Variants in CHD4 observed in about 807,000 individuals in gnomAD.
CHD4 encodes the protein chromodomain helicase DNA binding protein 4.
In CHD4, 35 loss-of-function variants were observed where a neutral mutation model predicts 235.5. The ratio of observed to expected loss-of-function variants is 0.15; its 90% CI spans 0.11 to 0.20. CHD4 has a LOEUF of 0.20. Among genes scored for constraint, CHD4 ranks in the 10% least tolerant of loss-of-function variants. The probability of loss-of-function intolerance (pLI) is 1.00; values close to 1 mark genes in which losing one functional copy is unlikely to be tolerated. For synonymous variants in CHD4, 900 were observed against 850.2 expected, an observed-to-expected ratio of 1.06 and a Z score of -1.02; for missense variants, 1,329 against 2,432.3, an observed-to-expected ratio of 0.55 and a Z score of 9.54.
Position 6,597,773 on chromosome 12 carries a change from AAAAC to A in CHD4, c.1892+117_1892+120del, listed in dbSNP as rs1243201371. ...GAGTGAGACTCTGTCTCAAAAACAA[AAAAC>A]AAACAAAAAAAACCAGTGTCTTCCA... is the stretch of plus-strand genomic sequence containing the variant. On this transcript the variant is annotated intron_variant, in intron 12 of 39. Transcript: ENST00000544040. The A allele has an allele frequency of 1.5e-5, 14 of 941,138 alleles. No individual in the cohort carries two copies. In the Admixed American group the frequency reaches 2.0e-4, roughly 13 times the overall value. The allele number at this position is 941,138 out of a possible 1,614,324, so 58.3% of individuals were successfully genotyped here. A position where few individuals can be genotyped will look rare whatever the true frequency, so the allele number is the denominator to read the frequency against.
Position 6,593,163 on chromosome 12 carries a change from A to G in CHD4, c.2580T>C (p.Ala860=). The G allele has an allele frequency of 2.5e-6, 4 of 1,614,184 alleles. No homozygotes were observed. Among genetic ancestry groups the G allele is most frequent in the Non-Finnish European group, 3.4e-6 (4 of 1,180,032 alleles). The change falls in exon 17 of 40, where the codon GCT becomes GCC. Residue 860 remains alanine (A), a synonymous_variant. Transcript: ENST00000544040. The surrounding 1 kb of genome is among the most constrained non-coding windows in gnomAD (Gnocchi z 4.9). ...AGGCCCAATCAATAGAGCCCAAAAT[A>G]GCCATGTCAATGGTGATCAATTCAT... The part of the protein sequence containing the change: ...TSYELITIDM[A]ILGSIDWACL...
intron 7 of CHD4, 86 bp from the exon 8 acceptor site, chr12:6,600,755 G>A (rs1948575785): frequency 1.3e-6 from 2 of 1,552,002 alleles, no homozygotes; most frequent in Middle Eastern, 1.7e-4. Context: ...TCTCACTGGG[G>A]ACACCAGAAT....
chr12:6,573,587 A>T (rs763025549), intron 37 of CHD4, among the ~76,000 whole-genome samples: 1 of 152,168 alleles, frequency 6.6e-6, no homozygotes, highest in East Asian at 1.9e-4. Context: ...ATACATCCTG[A>T]TATTTTTCTT....
rs916900489 is a variant in CHD4 at position 6,603,985 on chromosome 12, G to C, written c.101-1488C>G. The stretch of plus-strand genomic sequence containing the variant: ...GAGCAGGACCTAGACAGTGGTAGAA[G>C]AGAATATCCCAATCGGGTGCAATGG... On this transcript the variant is annotated intron_variant, in intron 2 of 39. Transcript: ENST00000544040. Among the ~76,000 whole-genome samples the C allele has an allele frequency of 2.4e-4, 37 of 152,206 alleles. 1 individual carries two copies. The highest frequency in any genetic ancestry group is 2.0e-3 in the Admixed American group (30 of 15,282).
Position 6,578,115 on chromosome 12 carries a change from A to T in CHD4, c.5142T>A (p.Asn1714Lys). The T allele has an allele frequency of 6.2e-7, 1 of 1,612,918 alleles. No homozygotes were observed. The highest frequency in any genetic ancestry group is 8.5e-7 in the Non-Finnish European group (1 of 1,180,016). Residue 1714 changes from asparagine to lysine, a missense_variant, in exon 36 of 40, where the codon AAT becomes AAA. This residue lies in a region of CHD4 where 135 missense variants were observed against 282.3 expected (regional missense o/e 0.48). Coordinates refer to ENST00000544040, the MANE Select transcript of CHD4 (RefSeq NM_001273.5). ...TGGTAACTGTGGCTGCCCGCTCTTC[A>T]TTCTGCCAAAGGGAGTGCAACTCTG... is the stretch of plus-strand genomic sequence containing the variant. ...GFTELHSLWQ[N>K]EERAATVTKK...
rs1402736089 is a variant in CHD4 at position 6,587,709 on chromosome 12, C to T, written c.3703+3G>A. On this transcript the variant is annotated splice_donor_region_variant and intron_variant, in intron 24 of 39. Transcript: ENST00000544040. ...CCAAAACGTAAGTTCCTGACTACCT[C>T]ACCTCCATCAGTGGCTTCATCCTTG... 6.2e-7 allele frequency: 1 copy of T among 1,613,692 alleles called. No homozygotes were observed. The highest frequency in any genetic ancestry group is 8.5e-7 in the Non-Finnish European group (1 of 1,179,690).
In CHD4 at chr12:6,573,288, G is replaced by A. The variant is rs1377875081; in HGVS notation, c.5362-19C>T. 3.3e-6 allele frequency: 5 copies of A among 1,523,016 alleles called. No homozygotes were observed. The highest frequency in any genetic ancestry group is 2.4e-5 in the Admixed American group (1 of 41,168). 94.3% of individuals were successfully genotyped at this position (1,523,016 alleles called of 1,614,324 possible). ...CTAAGAGCTGGACAAGGGATAAGAGGAAACGGGAGTTCGACTGATAACTCA... is the reference window on the plus strand; with the variant it reads ...CTAAGAGCTGGACAAGGGATAAGAGAAAACGGGAGTTCGACTGATAACTCA... On this transcript the variant is annotated intron_variant, in intron 37 of 39. Coordinates refer to ENST00000544040, the MANE Select transcript of CHD4 (RefSeq NM_001273.5).
chr12:6,583,266 C>T lies in CHD4; in HGVS notation c.3992G>A (p.Arg1331Gln). 7 of 1,614,194 alleles carry T rather than the reference C, an allele frequency of 4.3e-6. No homozygotes were observed. The highest frequency in any genetic ancestry group is 5.1e-6 in the Non-Finnish European group (6 of 1,180,038). The change falls in exon 26 of 40, where the codon CGA becomes CAA. Residue 1331 changes from arginine (R) to glutamine (Q), a missense_variant. By Grantham distance (43) the Arg-to-Gln change is conservative. Around this residue, in one of 26 missense-constraint regions of CHD4, gnomAD observed 8 missense variants for 56.7 expected, o/e 0.14. Coordinates refer to ENST00000544040, the MANE Select transcript of CHD4 (RefSeq NM_001273.5). ...HYEQQQEDLA[R>Q]NLGKGKRIRK... The stretch of plus-strand genomic sequence containing the variant: ...GATTCTTTTTCCTTTGCCCAGATTT[C>T]GGGCTAGATCTTCTTGCTGCTGCTC...
At chr12:6,600,099 TC>T in intron 9 of CHD4, 87 bp from the exon 10 acceptor site, 1 of 1,578,618 alleles carries the variant, frequency 6.3e-7, no homozygotes, top group Non-Finnish European at 8.6e-7. Context: ...TTTGAATGCT[TC>T]CCAAAGCTCA....
intron 37 of CHD4, among the ~76,000 whole-genome samples, chr12:6,576,708 C>T (rs188867968): frequency 6.6e-5 from 10 of 152,206 alleles, no homozygotes; most frequent in Admixed American, 2.6e-4. Flanking sequence ...CGGGTTCAAG[C>T]GATTCTGGAG....
Position 6,594,632 on chromosome 12 carries a change from G to T in CHD4, c.2140C>A (p.Arg714=). The T allele has an allele frequency of 6.2e-7, 1 of 1,613,126 alleles. No individual in the cohort carries two copies. The highest frequency in any genetic ancestry group is 8.5e-7 in the Non-Finnish European group (1 of 1,179,540). The change falls in exon 15 of 40, where the codon CGA becomes AGA. Residue 714 remains arginine (R), a synonymous_variant. Coordinates refer to ENST00000544040, the MANE Select transcript of CHD4 (RefSeq NM_001273.5). ...PTVDPTVKYE[R]QPEYLDATGG... is the part of the protein sequence containing the mutation. ...GTAGCATCCAGGTACTCTGGCTGTC[G>T]CTCATACTTCACTGTTGGCTGAAGG... is the stretch of plus-strand genomic sequence containing the variant.
Position 6,582,170 on chromosome 12 carries a change from A to G in CHD4, c.4482T>C (p.Thr1494=), listed in dbSNP as rs1044629500. Residue 1494 remains threonine, a synonymous_variant, in exon 30 of 40, where the codon ACT becomes ACC. Transcript: ENST00000544040. The part of the protein sequence containing the change: ...REGLSRQHVL[T]RIGVMSLIRK... ...GAATCAAAGACATAACACCAATTCT[A>G]GTAAGGACATGCTGGCGAGACAGGC... The G allele has an allele frequency of 3.8e-6, 6 of 1,594,130 alleles. No homozygotes were observed. The highest frequency in any genetic ancestry group is 5.1e-6 in the Non-Finnish European group (6 of 1,171,802).
intron 12 of CHD4, among the ~76,000 whole-genome samples, chr12:6,597,610 CA>C (rs1305052936): frequency 6.6e-6 from 1 of 151,294 alleles, no homozygotes; most frequent in Non-Finnish European, 1.5e-5. Context: ...ACTAAAAATA[CA>C]AAAAATTAGC....
At chr12:6,585,654 T>A (rs1948275336) in intron 25 of CHD4, among the ~76,000 whole-genome samples, 1 of 150,162 alleles carries the variant, frequency 6.7e-6, no homozygotes, top group African/African-American at 2.4e-5. Flanking sequence ...CTGGGTGTGG[T>A]GGCACGTGCC....
rs1948596566 is a variant in CHD4, at chr12:6,601,829, T to C, written c.439-63A>G. The C allele has an allele frequency of 9.6e-6, 15 of 1,569,988 alleles. No homozygotes were observed. The South Asian group carries it at 1.2e-4, about 13-fold the overall frequency. On this transcript the variant is annotated intron_variant, in intron 4 of 39. Transcript: ENST00000544040. ...TAGTGCCCACACTTGCTAAGCAAAT[T>C]TGTGTGGAAAAATCAGAGTAACAGA...
intron 13 of CHD4, 104 bp downstream of exon 13, chr12:6,595,902 G>A (rs1219336378): frequency 3.1e-6 from 4 of 1,292,996 alleles, no homozygotes; most frequent in South Asian, 1.5e-5. Flanking sequence ...AGGTTGCAGT[G>A]AGTCAAGATC....
At chr12:6,597,682 C>T (rs1489002649) in intron 12 of CHD4, among the ~76,000 whole-genome samples, 1 of 152,112 alleles carries the variant, frequency 6.6e-6, no homozygotes, top group Non-Finnish European at 1.5e-5. Flanking sequence ...AGGATAATCA[C>T]TTGAATCTGG....
At chr12:6,603,558 TG>T (rs1948635394) in intron 2 of CHD4, among the ~76,000 whole-genome samples, 1 of 12,686 alleles carries the variant, frequency 7.9e-5, no homozygotes, top group African/African-American at 2.9e-4. Context: ...TTGAGAGAGG[TG>T]GGGTGGCGGG....
At chr12:6,598,503 C>G in intron 10 of CHD4, 78 bp from the exon 11 acceptor site, 2 of 1,215,130 alleles carry the variant, frequency 1.6e-6, no homozygotes, top group African/African-American at 3.0e-5. Context: ...TCAACTTCAT[C>G]AAAGGACGAT....
Sources: gnomAD v4.1 joint callset for allele counts (sites outside exome capture counted in the v4.1 genomes callset) on GRCh38, gnomAD v4.1.1 for gene constraint, gnomAD v4.1.1 regional missense constraint, Gnocchi (gnomAD v3.1) non-coding constraint, MANE v1.5 for transcripts, NCBI Gene and HGNC (gene_info 2026-07-23, HGNC 2026-07-21) for gene names.